PSMG4: variants seen among roughly 807,000 people sequenced by gnomAD.
PSMG4 encodes proteasome (prosome, macropain) assembly chaperone 4.
Under a neutral mutation model 11.0 loss-of-function variants are expected in PSMG4, and 10 were observed. The observed-to-expected ratio is 0.91, with a 90% confidence interval of 0.56 to 1.54. PSMG4 has a LOEUF of 1.54. PSMG4 is among the 40% of genes most tolerant of loss of function. The pLI is 0.00. For synonymous variants in PSMG4, 95 were observed against 71.3 expected (o/e 1.33, Z -1.68); for missense variants, 198 against 160.9 (o/e 1.23, Z -1.25).
chr6:3,257,896 C>CA (rs1757819197), upstream of PSMG4, among the ~76,000 whole-genome samples: 2 of 152,170 alleles, frequency 1.3e-5, no homozygotes, highest in Non-Finnish European at 2.9e-5. Context: ...AAAATATTGA[C>CA]CTGAAAATTA....
chr6:3,266,341 G>A (rs997521193), intron 2 of PSMG4: 7 of 152,152 alleles, frequency 4.6e-5, no homozygotes, highest in Non-Finnish European at 1.0e-4. Flanking sequence ...GTTCTAAATC[G>A]GCCTTTAGTA....
upstream of PSMG4, among the ~76,000 whole-genome samples, chr6:3,258,414 C>T (rs1420164338): frequency 6.6e-6 from 1 of 152,210 alleles, no homozygotes; most frequent in Non-Finnish European, 1.5e-5. Context: ...AGGCTTTCTC[C>T]CAATACCGTT....
intron 1 of PSMG4, among the ~76,000 whole-genome samples, chr6:3,262,574 T>G (rs1758030412): frequency 6.7e-6 from 1 of 148,224 alleles, no homozygotes; most frequent in Admixed American, 6.9e-5. Flanking sequence ...GCGCCTGTGG[T>G]CTCTGCCCTG....
At chr6:3,254,994 T>G, upstream of PSMG4, 1 of 1,526,384 alleles carries the variant, frequency 6.6e-7, no homozygotes, top group Non-Finnish European at 8.8e-7. Flanking sequence ...CCCATGGACC[T>G]AGCGCACTCC....
intron 2 of PSMG4, chr6:3,266,922 C>T (rs1758204633): frequency 6.6e-6 from 1 of 151,176 alleles, no homozygotes. Context: ...GTGGCGCGAT[C>T]TTGGCTCACT....
At chr6:3,263,565 C>T (rs1013535553) in intron 1 of PSMG4, 119 bp from the exon 2 acceptor site, 9 of 835,494 alleles carry the variant, frequency 1.1e-5, no homozygotes, top group African/African-American at 1.0e-4. Flanking sequence ...GCACCTGTGC[C>T]TGTCCTCTCT....
chr6:3,265,230 A>G (rs1758139606), intron 2 of PSMG4: 4 of 152,230 alleles, frequency 2.6e-5, no homozygotes, highest in African/African-American at 9.7e-5. Flanking sequence ...GTTTTCCAGC[A>G]AAGTCCCATG....
upstream of PSMG4, among the ~76,000 whole-genome samples, chr6:3,254,449 T>G (rs561986005): frequency 1.0e-4 from 7 of 68,676 alleles, no homozygotes; most frequent in East Asian, 3.9e-4. Context: ...AATAGTTTTC[T>G]GCTTTTTTTG....
chr6:3,255,048 C>T (rs769014708), upstream of PSMG4: 8 of 1,550,428 alleles, frequency 5.2e-6, no homozygotes, highest in Middle Eastern at 1.7e-4. Context: ...ATTCTCTGGA[C>T]AGGAACAAAC....
upstream of PSMG4, among the ~76,000 whole-genome samples, chr6:3,257,028 C>T (rs533944140): frequency 6.6e-6 from 1 of 152,272 alleles, no homozygotes; most frequent in East Asian, 1.9e-4. Context: ...CAAGGAGGGA[C>T]ATCTTTATCT....
At chr6:3,255,620 A>C (rs1012035172), upstream of PSMG4, among the ~76,000 whole-genome samples, 1 of 152,204 alleles carries the variant, frequency 6.6e-6, no homozygotes, top group Non-Finnish European at 1.5e-5. Context: ...TGCAGCTGTC[A>C]TCTATTTGTA....
chr6:3,264,227 G>T, intron 2 of PSMG4: 2 of 1,551,516 alleles, frequency 1.3e-6, no homozygotes, highest in Non-Finnish European at 1.7e-6. Flanking sequence ...GGGAAGACTG[G>T]CCTGGCCTGT....
chr6:3,264,388 G>A (rs1758107947), intron 2 of PSMG4: 1 of 1,516,518 alleles, frequency 6.6e-7, no homozygotes, highest in African/African-American at 1.4e-5. Flanking sequence ...TGCACAGGAT[G>A]CCTGTCTCCT....
intron 2 of PSMG4, 192 bp downstream of exon 2, chr6:3,263,951 C>A: frequency 7.2e-7 from 1 of 1,379,960 alleles, no homozygotes; most frequent in Non-Finnish European, 9.6e-7. Context: ...CTGTCATCAC[C>A]ACCGTCCCAG....
At chr6:3,264,376 TG>T in intron 2 of PSMG4, 1 of 1,529,512 alleles carries the variant, frequency 6.5e-7, no homozygotes, top group Admixed American at 2.0e-5. Flanking sequence ...CTGTGGCCAG[TG>T]TGCACAGGAT....
chr6:3,254,409 C>T (rs540639237), upstream of PSMG4, among the ~76,000 whole-genome samples: 33 of 152,214 alleles, frequency 2.2e-4, no homozygotes, highest in East Asian at 1.2e-3. Flanking sequence ...CTGTTGGTGG[C>T]ACATCTGAGG....
At chr6:3,262,963 G>A (rs576093592) in intron 1 of PSMG4, among the ~76,000 whole-genome samples, 118 of 152,248 alleles carry the variant, frequency 7.8e-4, no homozygotes, top group African/African-American at 2.6e-3. Context: ...TCTGGGACTA[G>A]CTAGACATTG....
intron 2 of PSMG4, 78 bp downstream of exon 2, chr6:3,263,837 C>T (rs780651740): frequency 2.8e-4 from 420 of 1,510,150 alleles, no homozygotes; most frequent in Non-Finnish European, 3.4e-4. Flanking sequence ...CAAGTCCCTT[C>T]GGAAGTAAAG....
intron 1 of PSMG4, among the ~76,000 whole-genome samples, chr6:3,261,762 C>T (rs116646981): frequency 6.8e-4 from 103 of 152,256 alleles, no homozygotes; most frequent in African/African-American, 2.4e-3. Flanking sequence ...GGCCCTCCAT[C>T]TACTGTCCAC....
Sources: allele counts gnomAD v4.1 joint callset (sites outside exome capture counted in the v4.1 genomes callset), GRCh38; gene constraint gnomAD v4.1.1; transcripts MANE v1.5; gene names NCBI Gene and HGNC (gene_info 2026-07-23, HGNC 2026-07-21).